Variants in CYTH1 observed in about 807,000 individuals in gnomAD.
The protein encoded by CYTH1 is cytohesin 1.
Under a neutral mutation model 61.8 loss-of-function variants are expected in CYTH1, and 18 were observed. The observed-to-expected ratio is 0.29, with a 90% CI of 0.20 to 0.43. The LOEUF (loss-of-function observed/expected upper bound fraction) is 0.43. Among genes scored for constraint, CYTH1 ranks in the 20% least tolerant of loss-of-function variants. The pLI is 1.00. For synonymous variants in CYTH1, 174 were observed against 184.3 expected (o/e 0.94, Z 0.45); for missense variants, 336 against 510.5 (o/e 0.66, Z 3.29).
chr17:78,744,144 G>A (rs980047943), intron 1 of CYTH1, among the ~76,000 whole-genome samples: 11 of 152,056 alleles, frequency 7.2e-5, no homozygotes, highest in Admixed American at 5.2e-4. Context: ...ATTTTCACTC[G>A]CTCTCTGTAT....
At chr17:78,765,834 T>C (rs559222806) in intron 1 of CYTH1, among the ~76,000 whole-genome samples, 3 of 152,114 alleles carry the variant, frequency 2.0e-5, no homozygotes, top group African/African-American at 7.2e-5. Flanking sequence ...AATCCTGCAA[T>C]AGCATGAATA....
At chr17:78,677,026 T>G (rs1053644103) in intron 13 of CYTH1, 2 of 455,946 alleles carry the variant, frequency 4.4e-6, no homozygotes, top group Admixed American at 4.7e-5. Context: ...GCAGCTGCTA[T>G]GGCTCTCCTG....
At chr17:78,703,413 A>T (rs1358558074) in intron 3 of CYTH1, among the ~76,000 whole-genome samples, 6 of 46,064 alleles carry the variant, frequency 1.3e-4, no homozygotes, top group Admixed American at 8.1e-4. Context: ...TCCGTCTCCA[A>T]AAAAAAAAAA....
intron 1 of CYTH1, among the ~76,000 whole-genome samples, chr17:78,780,890 C>T (rs986826032): frequency 6.6e-6 from 1 of 152,024 alleles, no homozygotes; most frequent in Non-Finnish European, 1.5e-5. Context: ...GCCTGTAGTC[C>T]CAGCTACTCA....
At chr17:78,771,911 G>A (rs1052463307) in intron 1 of CYTH1, among the ~76,000 whole-genome samples, 1 of 152,018 alleles carries the variant, frequency 6.6e-6, no homozygotes, top group South Asian at 2.1e-4. Context: ...AGGAGTCATA[G>A]AAATCCCCTA....
At chr17:78,776,762 ATTTTC>A (rs561091496) in intron 1 of CYTH1, among the ~76,000 whole-genome samples, 2 of 149,898 alleles carry the variant, frequency 1.3e-5, no homozygotes, top group Non-Finnish European at 3.0e-5. Context: ...GCAGAATAGT[ATTTTC>A]TTAAGTTAAT....
chr17:78,676,382 A>G (rs1044827714), intron 13 of CYTH1: 1 of 567,192 alleles, frequency 1.8e-6, no homozygotes, highest in Non-Finnish European at 3.1e-6. Context: ...AACACGTGAC[A>G]AGAAAATTTT....
At chr17:78,747,159 A>G (rs1453988592) in intron 1 of CYTH1, among the ~76,000 whole-genome samples, 2 of 150,742 alleles carry the variant, frequency 1.3e-5, no homozygotes, top group Non-Finnish European at 3.0e-5. Flanking sequence ...AAAAAAAAAA[A>G]AAAAAAAAAA....
intron 1 of CYTH1, among the ~76,000 whole-genome samples, chr17:78,758,852 CA>C (rs1300586441): frequency 5.3e-5 from 8 of 152,170 alleles, no homozygotes; most frequent in Admixed American, 4.6e-4. Flanking sequence ...GACTTGAGGT[CA>C]GGGGCACCAG....
At chr17:78,731,837 AAC>A (rs1415720202) in intron 1 of CYTH1, among the ~76,000 whole-genome samples, 10 of 152,212 alleles carry the variant, frequency 6.6e-5, no homozygotes, top group Non-Finnish European at 1.2e-4. Flanking sequence ...CAGAGACAAG[AAC>A]ACTATAAATC....
rs2092742957 is a variant in CYTH1, at chr17:78,680,119, T to A, written c.1118+71A>T. 4.4e-6 allele frequency: 7 copies of A among 1,580,578 alleles called. 1 individual carries two copies. In the Admixed American group the frequency reaches 1.2e-4, roughly 28 times the overall value. On this transcript the variant is annotated intron_variant, in intron 13 of 13. Transcript: ENST00000446868. ...AGATGCGGGCGGCATGTTTAACCACTAAGATGATCAACACCTGGTGAGGTG... is the reference window on the plus strand; with the variant it reads ...AGATGCGGGCGGCATGTTTAACCACAAAGATGATCAACACCTGGTGAGGTG...
intron 1 of CYTH1, among the ~76,000 whole-genome samples, chr17:78,763,309 A>C (rs2093436110): frequency 6.6e-6 from 1 of 152,086 alleles, no homozygotes; most frequent in Non-Finnish European, 1.5e-5. Context: ...TGCCAAAAAA[A>C]AAAAAAAGAC....
Position 78,747,662 on chromosome 17 carries a change from T to G in CYTH1, c.22+34540A>C, listed in dbSNP as rs1171084168. ...TGCCTAATACATGGCCTTGTGTGAC[T>G]GGTTTCTTTCACCTGGCACAATGTT... On this transcript the variant is annotated intron_variant, in intron 1 of 13. Coordinates refer to ENST00000446868, the MANE Select transcript of CYTH1 (RefSeq NM_004762.6). Among the ~76,000 whole-genome samples, 9 of 152,346 alleles carry G rather than the reference T, an allele frequency of 5.9e-5. No individual in the cohort carries two copies. The South Asian group carries it at 1.9e-3, about 32-fold the overall frequency.
At chr17:78,751,966 C>T (rs2093382080) in intron 1 of CYTH1, among the ~76,000 whole-genome samples, 1 of 152,088 alleles carries the variant, frequency 6.6e-6, no homozygotes, top group Admixed American at 6.5e-5. Context: ...GAAACCCTGA[C>T]CTCGAATGAT....
intron 1 of CYTH1, among the ~76,000 whole-genome samples, chr17:78,739,460 A>G (rs2093333720): frequency 6.6e-6 from 1 of 152,210 alleles, no homozygotes; most frequent in Non-Finnish European, 1.5e-5. Flanking sequence ...CAGTCAGGGA[A>G]GGCCTCTGCT....
At chr17:78,685,412 T>C (rs1035414739) in intron 11 of CYTH1, among the ~76,000 whole-genome samples, 5 of 152,122 alleles carry the variant, frequency 3.3e-5, no homozygotes, top group African/African-American at 1.2e-4. Context: ...GCAGCCACAA[T>C]TTCTGGTTAA....
At chr17:78,710,912 C>T (rs746325268) in intron 1 of CYTH1, among the ~76,000 whole-genome samples, 4 of 152,104 alleles carry the variant, frequency 2.6e-5, no homozygotes, top group African/African-American at 7.2e-5. Flanking sequence ...AGGAGCCCCA[C>T]GTGACATTAA....
At position 78,700,330 on chromosome 17, in the gene CYTH1, C is replaced by T. The variant is rs2092994373; in HGVS notation, c.550+1G>A. 6.2e-7 allele frequency: 1 copy of T among 1,606,814 alleles called. No homozygotes were observed. The highest frequency in any genetic ancestry group is 8.5e-7 in the Non-Finnish European group (1 of 1,176,686). On this transcript the variant is annotated splice_donor_variant, in intron 7 of 13. Coordinates refer to ENST00000446868, the MANE Select transcript of CYTH1 (RefSeq NM_004762.6). LOFTEE classifies it high-confidence loss of function. The surrounding 1 kb of genome is among the most constrained non-coding windows in gnomAD (Gnocchi z 5.1). ...AAACTAGGATGAATGATCGTATTTA[C>T]CCGTGGACTGGAACACGCCATTATT...
At chr17:78,780,836 G>T (rs1297929656) in intron 1 of CYTH1, among the ~76,000 whole-genome samples, 1 of 151,968 alleles carries the variant, frequency 6.6e-6, no homozygotes, top group Non-Finnish European at 1.5e-5. Flanking sequence ...GCAAAACCCT[G>T]TCTCTACTAA....
Sources: gnomAD v4.1 joint callset for allele counts (sites outside exome capture counted in the v4.1 genomes callset) on GRCh38, gnomAD v4.1.1 for gene constraint, Gnocchi (gnomAD v3.1) non-coding constraint, MANE v1.5 for transcripts, NCBI Gene and HGNC (gene_info 2026-07-23, HGNC 2026-07-21) for gene names.